Variants in SPATA21 observed in about 807,000 individuals in gnomAD.
The protein encoded by SPATA21 is spermatogenesis associated 21.
A neutral mutation model predicts 54.8 loss-of-function variants in SPATA21; 47 were observed. The observed-to-expected ratio is 0.86, with a 90% confidence interval of 0.68 to 1.09. SPATA21 has a LOEUF of 1.09. Among genes scored for constraint, SPATA21 ranks in the 50% least tolerant of loss-of-function variants. SPATA21 has a pLI of 0.00. For synonymous variants in SPATA21, 245 were observed against 235.3 expected (o/e 1.04, Z -0.38); for missense variants, 599 against 596.4 (o/e 1.00, Z -0.05).
intron 10 of SPATA21, among the ~76,000 whole-genome samples, chr1:16,403,396 T>C (rs1381281285): frequency 6.6e-6 from 1 of 152,150 alleles, no homozygotes; most frequent in Non-Finnish European, 1.5e-5. Context: ...ATTTGGTCTC[T>C]GGGATCCCAC....
intron 3 of SPATA21, chr1:16,424,817 A>G (rs2086277470): frequency 6.2e-6 from 1 of 161,048 alleles, no homozygotes; most frequent in Admixed American, 6.1e-5. Flanking sequence ...TAAACTCAGC[A>G]TGTCCCAATA....
chr1:16,410,844 C>G (rs1350181157), intron 5 of SPATA21: 2 of 401,064 alleles, frequency 5.0e-6, no homozygotes, highest in Non-Finnish European at 1.0e-5. Flanking sequence ...CCGCGCCCGG[C>G]TGAGCCATGG....
At position 16,399,341 on chromosome 1, in the gene SPATA21, C is replaced by T. The variant is rs991510232; in HGVS notation, c.1352+3G>A. On this transcript the variant is annotated splice_donor_region_variant and intron_variant, in intron 12 of 12. Transcript: ENST00000335496. ...GGCTGGGACCCTTTCTCTGGGCACC[C>T]ACCTGTTTCCTTGAGATCCTGACTG... The T allele has an allele frequency of 6.2e-7, 1 of 1,607,940 alleles. No individual in the cohort carries two copies.
intron 12 of SPATA21, 65 bp from the exon 13 acceptor site, chr1:16,398,887 G>A (rs1016722233): frequency 5.2e-6 from 8 of 1,537,746 alleles, no homozygotes; most frequent in Non-Finnish European, 7.1e-6. Context: ...GCCAGTATAT[G>A]AGCCATCTGT....
Position 16,425,455 on chromosome 1 carries a change from G to C in SPATA21, c.35-3484C>G. 11 of 1,478,380 alleles carry C rather than the reference G, an allele frequency of 7.4e-6. No homozygotes were observed. In the South Asian group the frequency reaches 1.4e-4, roughly 18 times the overall value. The allele number at this position is 1,478,380 out of a possible 1,614,324, so 91.6% of individuals were successfully genotyped here. On this transcript the variant is annotated intron_variant, in intron 3 of 12. Coordinates refer to ENST00000335496, the MANE Select transcript of SPATA21 (RefSeq NM_198546.1). The stretch of plus-strand genomic sequence containing the variant: ...TGCACCAGAATGGGGGGCATGATAG[G>C]AGGGGGGCTCTTTCACCTCCTCTGT...
downstream of SPATA21, chr1:16,396,012 C>G (rs1210075084): frequency 6.5e-6 from 1 of 152,704 alleles, no homozygotes; most frequent in Non-Finnish European, 1.5e-5. Flanking sequence ...TTCCCCTTCC[C>G]ATACCCCTCA....
intron 7 of SPATA21, among the ~76,000 whole-genome samples, chr1:16,407,867 G>C (rs2085696546): frequency 6.6e-6 from 1 of 152,182 alleles, no homozygotes; most frequent in Admixed American, 6.6e-5. Flanking sequence ...CTGAGCTCAA[G>C]TGATCCTCCC....
Position 16,409,237 on chromosome 1 carries a change from T to G in SPATA21, c.588-34A>C, listed in dbSNP as rs748622242. Reference sequence around the variant, plus strand: ...GACAGAACCCCGACCCAGGGCAACATCCGGCCGCCCACCCTGCTGATAGCT... The same window carrying G: ...GACAGAACCCCGACCCAGGGCAACAGCCGGCCGCCCACCCTGCTGATAGCT... On this transcript the variant is annotated intron_variant, in intron 6 of 12. Coordinates refer to ENST00000335496, the MANE Select transcript of SPATA21 (RefSeq NM_198546.1). This position sits in a 1 kb window ranked among gnomAD's most constrained non-coding sequence, Gnocchi z 4.1. 1 of 1,612,146 alleles carries G rather than the reference T, an allele frequency of 6.2e-7. No individual in the cohort carries two copies. The highest frequency in any genetic ancestry group is 8.5e-7 in the Non-Finnish European group (1 of 1,178,788).
chr1:16,411,747 G>A (rs1486917132), intron 5 of SPATA21, among the ~76,000 whole-genome samples: 3 of 141,352 alleles, frequency 2.1e-5, no homozygotes, highest in East Asian at 2.1e-4. Flanking sequence ...CCGAGACCGC[G>A]CCATTGCACT....
At chr1:16,398,298 C>T (rs762758092), downstream of SPATA21, among the ~76,000 whole-genome samples, 1 of 151,838 alleles carries the variant, frequency 6.6e-6, no homozygotes, top group Non-Finnish European at 1.5e-5. Flanking sequence ...AAAGGACCCA[C>T]CCCTCTTGGG....
chr1:16,435,823 C>T (rs190274970), intron 1 of SPATA21, among the ~76,000 whole-genome samples: 37 of 152,222 alleles, frequency 2.4e-4, no homozygotes, highest in South Asian at 6.2e-4. Context: ...TATTATTGCA[C>T]GGTAAATGTT....
intron 2 of SPATA21, among the ~76,000 whole-genome samples, chr1:16,431,988 G>A (rs1478486435): frequency 6.6e-6 from 1 of 152,226 alleles, no homozygotes; most frequent in African/African-American, 2.4e-5. Context: ...ACAAGAACTA[G>A]GGACATCTGT....
chr1:16,434,584 C>T (rs1052389606), intron 1 of SPATA21, among the ~76,000 whole-genome samples: 1 of 152,150 alleles, frequency 6.6e-6, no homozygotes, highest in African/African-American at 2.4e-5. Context: ...GTGTGAGCCA[C>T]CATGCCTGGC....
intron 3 of SPATA21, among the ~76,000 whole-genome samples, chr1:16,423,469 T>G (rs1024898623): frequency 6.7e-6 from 1 of 149,498 alleles, no homozygotes; most frequent in Admixed American, 6.7e-5. Context: ...AATGGAAATA[T>G]TACTGAGCAA....
At chr1:16,427,770 G>T (rs1243313873) in intron 3 of SPATA21, 15 of 1,389,796 alleles carry the variant, frequency 1.1e-5, no homozygotes, top group Non-Finnish European at 1.4e-5. Flanking sequence ...GAGCTGCCTT[G>T]GCCTGGGAGT....
At chr1:16,434,201 G>T (rs185303542) in intron 1 of SPATA21, among the ~76,000 whole-genome samples, 12 of 152,090 alleles carry the variant, frequency 7.9e-5, no homozygotes, top group Non-Finnish European at 1.8e-4. Flanking sequence ...CCTTTTTATG[G>T]CTGAGTAATA....
chr1:16,398,571 C>G, downstream of SPATA21: 2 of 630,570 alleles, frequency 3.2e-6, no homozygotes, highest in Non-Finnish European at 5.6e-6. Context: ...TGAGGTGGAA[C>G]CCTGCACTCT....
At chr1:16,429,557 C>G (rs1181435279) in intron 3 of SPATA21, among the ~76,000 whole-genome samples, 1 of 152,110 alleles carries the variant, frequency 6.6e-6, no homozygotes, top group African/African-American at 2.4e-5. Context: ...TCACCGCAAC[C>G]TCCACCTCCC....
intron 7 of SPATA21, chr1:16,408,491 C>T: frequency 1.0e-6 from 1 of 985,322 alleles, no homozygotes; most frequent in Non-Finnish European, 1.2e-6. Context: ...AGAAACTATT[C>T]CAAAACCTAA....
Sources: allele counts gnomAD v4.1 joint callset (sites outside exome capture counted in the v4.1 genomes callset), GRCh38; gene constraint gnomAD v4.1.1; non-coding constraint Gnocchi (gnomAD v3.1); transcripts MANE v1.5; gene names NCBI Gene and HGNC (gene_info 2026-07-23, HGNC 2026-07-21).